Variants in UACA observed in about 807,000 individuals in gnomAD.
UACA encodes the protein nuclear membrane binding protein.
A neutral mutation model predicts 160.5 loss-of-function variants in UACA; 112 were observed. That is an observed-to-expected ratio of 0.70 (90% CI 0.60 to 0.82). The LOEUF (loss-of-function observed/expected upper bound fraction) is 0.82. UACA is among the 40% of genes least tolerant of loss of function. UACA has a pLI of 0.00. For synonymous variants in UACA, 557 were observed against 568.4 expected (o/e 0.98, Z 0.29); for missense variants, 1,574 against 1,614.6 (o/e 0.97, Z 0.43).
At chr15:70,720,184 T>C (rs1898948420) in intron 1 of UACA, among the ~76,000 whole-genome samples, 1 of 152,178 alleles carries the variant, frequency 6.6e-6, no homozygotes, top group Non-Finnish European at 1.5e-5. Flanking sequence ...CTGCCCTGAT[T>C]GTAGTTTACT....
chr15:70,773,606 G>C, the UACA span, among the ~76,000 whole-genome samples: 2 of 152,124 alleles, frequency 1.3e-5, no homozygotes, highest in African/African-American at 2.4e-5. Context: ...ACAGGATAAA[G>C]GCAAAAAGAT....
chr15:70,688,607 T>C (rs1244296648), intron 5 of UACA, among the ~76,000 whole-genome samples: 1 of 152,170 alleles, frequency 6.6e-6, no homozygotes, highest in African/African-American at 2.4e-5. Context: ...AAGAAAAAGA[T>C]AAACTGAACC....
chr15:70,729,680 G>C (rs574150187), intron 1 of UACA, among the ~76,000 whole-genome samples: 1 of 142,362 alleles, frequency 7.0e-6, no homozygotes, highest in African/African-American at 3.0e-5. Context: ...TGGCCGAATA[G>C]GAACAGCTCC....
chr15:70,742,652 C>A (rs1453489789), intron 1 of UACA, among the ~76,000 whole-genome samples: 1 of 152,132 alleles, frequency 6.6e-6, no homozygotes, highest in Non-Finnish European at 1.5e-5. Flanking sequence ...TTTCATAATT[C>A]TACCATAACT....
chr15:70,760,489 A>G (rs1397094589), intron 1 of UACA, among the ~76,000 whole-genome samples: 3 of 152,178 alleles, frequency 2.0e-5, no homozygotes, highest in African/African-American at 4.8e-5. Context: ...ATGAATAGGG[A>G]AAAATATCGA....
At chr15:70,662,490 T>C (rs1896745428) in intron 17 of UACA, among the ~76,000 whole-genome samples, 1 of 152,156 alleles carries the variant, frequency 6.6e-6, no homozygotes, top group East Asian at 1.9e-4. Flanking sequence ...ATGACTTTCT[T>C]CACAGAATTG....
In UACA at chr15:70,716,630, T is replaced by G. The variant is rs531963417; in HGVS notation, c.79-16970A>C. On this transcript the variant is annotated intron_variant, in intron 1 of 18. Coordinates refer to ENST00000322954, the MANE Select transcript of UACA (RefSeq NM_018003.4). ...CAAATTGAGAAATAATAGTTTATAA[T>G]TTTTTTATCCATTATCTAAAAATAG... Among the ~76,000 whole-genome samples the G allele has an allele frequency of 6.6e-5, 10 of 152,252 alleles. No individual in the cohort carries two copies. The South Asian group carries it at 2.1e-3, about 32-fold the overall frequency.
chr15:70,664,295 G>A (rs77360651), intron 17 of UACA, among the ~76,000 whole-genome samples: 2,475 of 152,274 alleles, frequency 0.016, 62 homozygotes, highest in African/African-American at 0.057. Flanking sequence ...CAATGAGAAA[G>A]ATGCTGGATT....
intron 1 of UACA, among the ~76,000 whole-genome samples, chr15:70,725,999 T>C (rs1899133276): frequency 6.6e-6 from 1 of 152,004 alleles, no homozygotes; most frequent in Non-Finnish European, 1.5e-5. Flanking sequence ...ATATAATGTA[T>C]CCAAATAAAT....
intron 1 of UACA, among the ~76,000 whole-genome samples, chr15:70,751,231 C>T (rs920178270): frequency 3.9e-5 from 6 of 152,126 alleles, no homozygotes; most frequent in African/African-American, 1.4e-4. Context: ...CTTCCTCATC[C>T]TCTCACCCTG....
At chr15:70,661,670 T>C (rs979995504) in intron 17 of UACA, 5 of 152,124 alleles carry the variant, frequency 3.3e-5, no homozygotes, top group Non-Finnish European at 5.9e-5. Flanking sequence ...TATTAGTGCA[T>C]AATTAAAAGC....
Position 70,657,010 on chromosome 15 carries a change from T to C in UACA, c.*46A>G, listed in dbSNP as rs941268056. On this transcript the variant is annotated 3_prime_UTR_variant, in exon 19 of 19. Transcript: ENST00000322954. ...GACCATGGAGTTGCACAAAGAATGT[T>C]CAGCACCAGCAAGATAAAACAGATA... 2 of 1,519,088 alleles carry C rather than the reference T, an allele frequency of 1.3e-6. No individual in the cohort carries two copies. The highest frequency in any genetic ancestry group is 4.5e-5 in the East Asian group (2 of 44,428). The allele number at this position is 1,519,088 out of a possible 1,614,324, so 94.1% of individuals were successfully genotyped here.
chr15:70,763,059 G>C (rs2030870175), intron 1 of UACA, among the ~76,000 whole-genome samples: 1 of 152,170 alleles, frequency 6.6e-6, no homozygotes. Context: ...GAGGGGGCCA[G>C]AACCGCCCCA....
At chr15:70,671,815 T>TTAACGTCTTCC in intron 14 of UACA, 150 bp downstream of exon 14, 1 of 470,800 alleles carries the variant, frequency 2.1e-6, no homozygotes, top group East Asian at 3.5e-5. Flanking sequence ...AATAGTCATC[T>TTAACGTCTTCC]TAACGTCTTC....
chr15:70,663,185 A>G (rs969478481), intron 17 of UACA, among the ~76,000 whole-genome samples: 1 of 152,212 alleles, frequency 6.6e-6, no homozygotes, highest in African/African-American at 2.4e-5. Flanking sequence ...AACCCCATCA[A>G]CAAGTGGGCG....
intron 5 of UACA, among the ~76,000 whole-genome samples, chr15:70,689,580 G>T (rs1897852733): frequency 6.6e-6 from 1 of 151,978 alleles, no homozygotes; most frequent in Non-Finnish European, 1.5e-5. Flanking sequence ...ATAAAATTTT[G>T]AAGGAAATTT....
upstream of UACA, among the ~76,000 whole-genome samples, chr15:70,764,512 CG>C (rs1223326892): frequency 5.9e-5 from 9 of 152,164 alleles, no homozygotes; most frequent in African/African-American, 1.7e-4. Context: ...AAACGTTTAT[CG>C]TAGCATGCAT....
chr15:70,721,000 C>T (rs992137933), intron 1 of UACA, among the ~76,000 whole-genome samples: 5 of 152,136 alleles, frequency 3.3e-5, no homozygotes, highest in African/African-American at 1.2e-4. Flanking sequence ...TGGAGTGCAG[C>T]CACTTGCACA....
intron 1 of UACA, among the ~76,000 whole-genome samples, chr15:70,747,850 T>C: frequency 6.6e-6 from 1 of 152,164 alleles, no homozygotes; most frequent in Non-Finnish European, 1.5e-5. Flanking sequence ...TTTATTTATA[T>C]AGAAAAAAAT....
Sources: allele counts gnomAD v4.1 joint callset (sites outside exome capture counted in the v4.1 genomes callset), GRCh38; gene constraint gnomAD v4.1.1; transcripts MANE v1.5; gene names NCBI Gene and HGNC (gene_info 2026-07-23, HGNC 2026-07-21).